The following TNFSF13 variants were observed in gnomAD, a reference collection of about 807,000 sequenced individuals.
TNFSF13 encodes TNF superfamily member 13.
A neutral mutation model predicts 30.7 loss-of-function variants in TNFSF13; 18 were observed. The ratio of observed to expected loss-of-function variants is 0.59; its 90% confidence interval spans 0.41 to 0.87. The LOEUF is 0.87. TNFSF13 is among the 40% of genes least tolerant of loss of function. The probability of loss-of-function intolerance (pLI) is 0.00; values close to 1 mark genes in which losing one functional copy is unlikely to be tolerated. For synonymous variants in TNFSF13, 116 were observed against 123.2 expected (o/e 0.94, Z 0.39); for missense variants, 286 against 308.8 (o/e 0.93, Z 0.55).
chr17:7,561,214 C>A lies in TNFSF13; in HGVS notation c.*381C>A. Reference sequence around the variant, plus strand: ...CGAAGCCGCCCTCTGCTAGGGAAAACCCCTGGTTCTCCATGCCACACCTCT... The same window carrying A: ...CGAAGCCGCCCTCTGCTAGGGAAAAACCCTGGTTCTCCATGCCACACCTCT... On this transcript the variant is annotated 3_prime_UTR_variant, in exon 6 of 6. Transcript: ENST00000338784. The surrounding 1 kb of genome is among the most constrained non-coding windows in gnomAD (Gnocchi z 4.4). 1 of 702,676 alleles carries A rather than the reference C, an allele frequency of 1.4e-6. No individual in the cohort carries two copies. 43.5% of individuals were successfully genotyped at this position (702,676 alleles called of 1,614,324 possible).
In TNFSF13 at chr17:7,559,945, C is replaced by CAA; in HGVS notation, c.385+52_385+53insAA. ...TGGGGAGGGGCAATAACCAGGAACT[C>CAA]GGGCTGGCACTTGGGCTCAAGGGGT... On this transcript the variant is annotated intron_variant, in intron 3 of 5. Coordinates refer to ENST00000338784, the MANE Select transcript of TNFSF13 (RefSeq NM_003808.4). This position sits in a 1 kb window ranked among gnomAD's most constrained non-coding sequence, Gnocchi z 5.4. The CAA allele has an allele frequency of 6.2e-7, 1 of 1,613,902 alleles. No individual in the cohort carries two copies. Among genetic ancestry groups the CAA allele is most frequent in the Middle Eastern group, 1.6e-4 (1 of 6,062 alleles).
At position 7,558,894 on chromosome 17, in the gene TNFSF13, C is replaced by T; in HGVS notation, c.-146C>T. 1 of 1,033,436 alleles carries T rather than the reference C, an allele frequency of 9.7e-7. No individual in the cohort carries two copies. Among genetic ancestry groups the T allele is most frequent in the Non-Finnish European group, 1.3e-6 (1 of 752,496 alleles). The allele number at this position is 1,033,436 out of a possible 1,614,324, so 64.0% of individuals were successfully genotyped here. On this transcript the variant is annotated 5_prime_UTR_variant, in exon 1 of 6. Transcript: ENST00000338784. This position sits in a 1 kb window ranked among gnomAD's most constrained non-coding sequence, Gnocchi z 4.3. Reference sequence around the variant, plus strand: ...TACCCTTAGCTTGCTTTCCTCCTCCCTCCTTTTTATTTTCAAGTTCCTTTT... The same window carrying T: ...TACCCTTAGCTTGCTTTCCTCCTCCTTCCTTTTTATTTTCAAGTTCCTTTT...
chr17:7,560,960 C>T lies in TNFSF13; in HGVS notation c.*127C>T. On this transcript the variant is annotated 3_prime_UTR_variant, in exon 6 of 6. Transcript: ENST00000338784. ...AGAGGCGTCTTCCTGGGTTTGGCTC[C>T]CCGTTCCTCACTTTTCCCTTTTCAT... is the stretch of plus-strand genomic sequence containing the variant. The T allele has an allele frequency of 6.2e-7, 1 of 1,614,182 alleles. No homozygotes were observed. Among genetic ancestry groups the T allele is most frequent in the Non-Finnish European group, 8.5e-7 (1 of 1,180,022 alleles).
rs753484843 is a variant in TNFSF13 at position 7,560,213 on chromosome 17, C to T, written c.504+46C>T. 4 of 1,613,086 alleles carry T rather than the reference C, an allele frequency of 2.5e-6. No homozygotes were observed. The Admixed American group carries it at 6.7e-5, about 27-fold the overall frequency. On this transcript the variant is annotated intron_variant, in intron 4 of 5. Transcript: ENST00000338784. ...AGCTTCACAGAGGGCCTCTTTGGCC[C>T]CCTACTGAGGGTTCCTGACCCCTCT...
chr17:7,561,110 GGCCCACTGGAA>G lies in TNFSF13; in HGVS notation c.*280_*290del. On this transcript the variant is annotated 3_prime_UTR_variant, in exon 6 of 6. Transcript: ENST00000338784. This position sits in a 1 kb window ranked among gnomAD's most constrained non-coding sequence, Gnocchi z 4.4. Reference sequence around the variant, plus strand: ...CCAGGCATTGTCCAGACCTGGTCGGGGCCCACTGGAAGCATCCAGAACAGCACCACCATCTA... The same window carrying G: ...CCAGGCATTGTCCAGACCTGGTCGGGGCATCCAGAACAGCACCACCATCTA... 6.4e-7 allele frequency: 1 copy of G among 1,569,408 alleles called. No homozygotes were observed. The highest frequency in any genetic ancestry group is 1.1e-5 in the South Asian group (1 of 89,478).
rs149956327 is a variant in TNFSF13 at position 7,559,420 on chromosome 17, G to A, written c.258+123G>A. The A allele has an allele frequency of 1.2e-4, 172 of 1,427,954 alleles. 1 individual carries two copies. In the African/African-American group the frequency reaches 2.0e-3, roughly 16 times the overall value. 88.5% of individuals were successfully genotyped at this position (1,427,954 alleles called of 1,614,324 possible). A position where few individuals can be genotyped will look rare whatever the true frequency, so the allele number is the denominator to read the frequency against. ...TCTCCGGTTTGGAAGTCAGGGGCGC[G>A]GCCATTCCAGGAAAGGAAACTGTTA... On this transcript the variant is annotated intron_variant, in intron 1 of 5. Coordinates refer to ENST00000338784, the MANE Select transcript of TNFSF13 (RefSeq NM_003808.4). This position sits in a 1 kb window ranked among gnomAD's most constrained non-coding sequence, Gnocchi z 5.4.
Position 7,558,888 on chromosome 17 carries a change from T to G in TNFSF13, c.-152T>G. 6 of 960,230 alleles carry G rather than the reference T, an allele frequency of 6.2e-6. No individual in the cohort carries two copies. Among genetic ancestry groups the G allele is most frequent in the Non-Finnish European group, 8.7e-6 (6 of 688,198 alleles). The allele number at this position is 960,230 out of a possible 1,614,324, so 59.5% of individuals were successfully genotyped here. ...TAACAGTACCCTTAGCTTGCTTTCC[T>G]CCTCCCTCCTTTTTATTTTCAAGTT... On this transcript the variant is annotated 5_prime_UTR_variant, in exon 1 of 6. Coordinates refer to ENST00000338784, the MANE Select transcript of TNFSF13 (RefSeq NM_003808.4). The surrounding 1 kb of genome is among the most constrained non-coding windows in gnomAD (Gnocchi z 4.3).
Position 7,559,237 on chromosome 17 carries a change from G to C in TNFSF13, c.198G>C (p.Gln66His), listed in dbSNP as rs764139917. The C allele has an allele frequency of 8.1e-6, 13 of 1,610,356 alleles. No homozygotes were observed. Among genetic ancestry groups the C allele is most frequent in the East Asian group, 4.5e-5 (2 of 44,810 alleles). Residue 66 changes from glutamine (Q) to histidine (H), a missense_variant, in exon 1 of 6, where the codon CAG becomes CAC. Gln to His is a conservative substitution (Grantham distance 24). Coordinates refer to ENST00000338784, the MANE Select transcript of TNFSF13 (RefSeq NM_003808.4). This position sits in a 1 kb window ranked among gnomAD's most constrained non-coding sequence, Gnocchi z 5.4. ...TCAGGAGAGAGGTGAGCCGGCTGCA[G>C]GGGACAGGAGGCCCCTCCCAGAATG... ...QSLRREVSRL[Q>H]GTGGPSQNGE... is the part of the protein sequence containing the mutation.
Position 7,560,062 on chromosome 17 carries a change from G to C in TNFSF13, c.399G>C (p.Val133=), listed in dbSNP as rs1294974298. The change falls in exon 4 of 6, where the codon GTG becomes GTC. Residue 133 remains valine (V), a synonymous_variant. Transcript: ENST00000338784. ...TCTCACCTCCAGATGACTCCGATGT[G>C]ACAGAGGTGATGTGGCAACCAGCTC... ...INATSKDDSD[V]TEVMWQPALR... is the part of the protein sequence containing the mutation. 1 of 1,614,168 alleles carries C rather than the reference G, an allele frequency of 6.2e-7. No homozygotes were observed. The highest frequency in any genetic ancestry group is 1.3e-5 in the African/African-American group (1 of 75,040).
chr17:7,560,641 C>G, intron 5 of TNFSF13, 83 bp from the exon 6 acceptor site: 1 of 1,611,842 alleles, frequency 6.2e-7, no homozygotes, highest in Admixed American at 1.7e-5. Flanking sequence ...GGCAGAGGAA[C>G]GGTGGAGCTG....
chr17:7,560,307 G>C (rs1038707799), intron 4 of TNFSF13, 43 bp from the exon 5 acceptor site: 1 of 1,613,008 alleles, frequency 6.2e-7, no homozygotes, highest in Non-Finnish European at 8.5e-7. Context: ...CCAGAACTGA[G>C]CCAGGCCATC....
In TNFSF13 at chr17:7,560,049, A is replaced by G; in HGVS notation, c.386A>G (p.Asp129Gly). Reference sequence around the variant, plus strand: ...CTGACCGACACACTCTCACCTCCAGATGACTCCGATGTGACAGAGGTGATG... The same window carrying G: ...CTGACCGACACACTCTCACCTCCAGGTGACTCCGATGTGACAGAGGTGATG... ...HLVPINATSK[D>G]DSDVTEVMWQ... The change falls in exon 4 of 6, where the codon GAT becomes GGT. Residue 129 changes from aspartate to glycine, a missense_variant and splice_region_variant. Physicochemically the swap from Asp to Gly is moderately conservative, Grantham distance 94. Transcript: ENST00000338784. 6.2e-7 allele frequency: 1 copy of G among 1,614,122 alleles called. No individual in the cohort carries two copies. The highest frequency in any genetic ancestry group is 1.1e-5 in the South Asian group (1 of 91,084).
chr17:7,559,163 G>T lies in TNFSF13; in HGVS notation c.124G>T (p.Val42Leu), dbSNP rs774201795. 6.2e-7 allele frequency: 1 copy of T among 1,612,540 alleles called. No individual in the cohort carries two copies. The highest frequency in any genetic ancestry group is 8.5e-7 in the Non-Finnish European group (1 of 1,179,282). ...GAGTTGGGGGGCAGCTCTGGGGGCC[G>T]TGGCTTGTGCCATGGCTCTGCTGAC... ...WLSWGAALGAVACAMALLTQQ... is the reference protein window; with the variant it reads ...WLSWGAALGALACAMALLTQQ... Residue 42 changes from valine to leucine, a missense_variant, in exon 1 of 6, where the codon GTG (valine) becomes TTG (leucine). Val to Leu is a conservative substitution (Grantham distance 32, BLOSUM62 1). Coordinates refer to ENST00000338784, the MANE Select transcript of TNFSF13 (RefSeq NM_003808.4). The surrounding 1 kb of genome is among the most constrained non-coding windows in gnomAD (Gnocchi z 5.4).
At position 7,561,180 on chromosome 17, in the gene TNFSF13, C is replaced by A; in HGVS notation, c.*347C>A. The A allele has an allele frequency of 1.0e-6, 1 of 979,212 alleles. No homozygotes were observed. 60.7% of individuals were successfully genotyped at this position (979,212 alleles called of 1,614,324 possible). A position where few individuals can be genotyped will look rare whatever the true frequency, so the allele number is the denominator to read the frequency against. Reference sequence around the variant, plus strand: ...TCGAGGGAAGCACCCGCCGGTTGGCCGAAGTCCACGAAGCCGCCCTCTGCT... The same window carrying A: ...TCGAGGGAAGCACCCGCCGGTTGGCAGAAGTCCACGAAGCCGCCCTCTGCT... On this transcript the variant is annotated 3_prime_UTR_variant, in exon 6 of 6. Coordinates refer to ENST00000338784, the MANE Select transcript of TNFSF13 (RefSeq NM_003808.4). The surrounding 1 kb of genome is among the most constrained non-coding windows in gnomAD (Gnocchi z 4.4).
rs1365478024 is a variant in TNFSF13, at chr17:7,559,057, T to C, written c.18T>C (p.Pro6=). 6.4e-7 allele frequency: 1 copy of C among 1,552,438 alleles called. No homozygotes were observed. The highest frequency in any genetic ancestry group is 1.4e-5 in the African/African-American group (1 of 73,130). ...CCCAGCTCATGCCAGCCTCATCTCC[T>C]TTCTTGCTAGCCCCCAAAGGGCCTC... The part of the protein sequence containing the change: MPASS[P]FLLAPKGPPG... The change falls in exon 1 of 6, where the codon CCT becomes CCC. Residue 6 remains proline (P), a synonymous_variant. Coordinates refer to ENST00000338784, the MANE Select transcript of TNFSF13 (RefSeq NM_003808.4). This position sits in a 1 kb window ranked among gnomAD's most constrained non-coding sequence, Gnocchi z 5.4.
Position 7,560,778 on chromosome 17 carries a change from G to A in TNFSF13, c.698G>A (p.Arg233Lys), listed in dbSNP as rs1459262298. 1 of 1,614,162 alleles carries A rather than the reference G, an allele frequency of 6.2e-7. No individual in the cohort carries two copies. Among genetic ancestry groups the A allele is most frequent in the Admixed American group, 1.7e-5 (1 of 60,012 alleles). ...CTGAGTGTCATAATTCCCCGGGCAA[G>A]GGCGAAACTTAACCTCTCTCCACAT... Reference protein sequence around the residue: ...DILSVIIPRARAKLNLSPHGT... With the variant: ...DILSVIIPRAKAKLNLSPHGT... The change falls in exon 6 of 6, where the codon AGG (arginine) becomes AAG (lysine). Residue 233 changes from arginine to lysine, a missense_variant. By Grantham distance (26) the Arg-to-Lys change is conservative. Coordinates refer to ENST00000338784, the MANE Select transcript of TNFSF13 (RefSeq NM_003808.4).
At position 7,561,034 on chromosome 17, in the gene TNFSF13, A is replaced by T; in HGVS notation, c.*201A>T. ...TACGGATATCTTGCTTCTGTTCCCC[A>T]TGGAGCTCCGAATTCTTGCGTGTGT... On this transcript the variant is annotated 3_prime_UTR_variant, in exon 6 of 6. Coordinates refer to ENST00000338784, the MANE Select transcript of TNFSF13 (RefSeq NM_003808.4). This position sits in a 1 kb window ranked among gnomAD's most constrained non-coding sequence, Gnocchi z 4.4. The T allele has an allele frequency of 6.2e-7, 1 of 1,613,682 alleles. No individual in the cohort carries two copies. Among genetic ancestry groups the T allele is most frequent in the African/African-American group, 1.3e-5 (1 of 74,896 alleles).
chr17:7,558,908 C>A lies in TNFSF13; in HGVS notation c.-132C>A. On this transcript the variant is annotated 5_prime_UTR_variant, in exon 1 of 6. Transcript: ENST00000338784. The surrounding 1 kb of genome is among the most constrained non-coding windows in gnomAD (Gnocchi z 4.3). ...TTTCCTCCTCCCTCCTTTTTATTTT[C>A]AAGTTCCTTTTTATTTCTCCTTGCG... 2 of 1,119,802 alleles carry A rather than the reference C, an allele frequency of 1.8e-6. No homozygotes were observed. The highest frequency in any genetic ancestry group is 1.2e-6 in the Non-Finnish European group (1 of 830,536). 69.4% of individuals were successfully genotyped at this position (1,119,802 alleles called of 1,614,324 possible).
rs1407500184 is a variant in TNFSF13 at position 7,559,663 on chromosome 17, T to G, written c.298T>G (p.Ser100Ala). The G allele has an allele frequency of 6.2e-7, 1 of 1,613,122 alleles. No homozygotes were observed. Among genetic ancestry groups the G allele is most frequent in the Non-Finnish European group, 8.5e-7 (1 of 1,179,766 alleles). Residue 100 changes from serine (S) to alanine (A), a missense_variant, in exon 2 of 6, where the codon TCC (serine) becomes GCC (alanine). Transcript: ENST00000338784. This position sits in a 1 kb window ranked among gnomAD's most constrained non-coding sequence, Gnocchi z 5.4. ...ALEAWENGER[S>A]RKRRAVLTQK... ...GGAAGCCTGGGAGAATGGGGAGAGA[T>G]CCCGGAAAAGGAGAGCAGTGCTCAC...
Sources: gnomAD v4.1 joint callset for allele counts on GRCh38, gnomAD v4.1.1 for gene constraint, Gnocchi (gnomAD v3.1) non-coding constraint, MANE v1.5 for transcripts, NCBI Gene and HGNC (gene_info 2026-07-23, HGNC 2026-07-21) for gene names.